The following KY variants were observed in gnomAD, a reference collection of about 807,000 sequenced individuals.
The protein encoded by KY is kyphoscoliosis peptidase.
In KY, 43 loss-of-function variants were observed where a neutral mutation model predicts 76.1. The ratio of observed to expected loss-of-function variants is 0.57; its 90% CI spans 0.44 to 0.73. KY has a LOEUF of 0.73. KY is among the 30% of genes least tolerant of loss of function. The pLI is 0.00. For missense variants in KY, 722 were observed against 828.9 expected, an observed-to-expected ratio of 0.87 and a Z score of 1.58; for synonymous variants, 277 against 326.2, an observed-to-expected ratio of 0.85 and a Z score of 1.63.
Position 134,601,463 on chromosome 3 carries a change from G to A in KY, c.*2116C>T, listed in dbSNP as rs1377222766. Among the ~76,000 whole-genome samples the A allele has an allele frequency of 6.6e-6, 1 of 152,210 alleles. No individual in the cohort carries two copies. Among genetic ancestry groups the A allele is most frequent in the Non-Finnish European group, 1.5e-5 (1 of 68,038 alleles). ...GCGCGGGGTCCAGTGAGTGACATGC[G>A]TCATCGAAGGCACTTATTGTTTTGA... is the stretch of plus-strand genomic sequence containing the variant. On this transcript the variant is annotated 3_prime_UTR_variant, in exon 11 of 11. Coordinates refer to ENST00000423778, the MANE Select transcript of KY (RefSeq NM_178554.6).
chr3:134,604,334 T>C lies in KY; in HGVS notation c.1231A>G (p.Thr411Ala). The change falls in exon 11 of 11, where the codon ACT becomes GCT. Residue 411 changes from threonine (T) to alanine (A), a missense_variant. Thr to Ala is a moderately conservative substitution (Grantham distance 58). Coordinates refer to ENST00000423778, the MANE Select transcript of KY (RefSeq NM_178554.6). Reference sequence around the variant, plus strand: ...TTGGCAAAGATCTGCAGCTTGTGAGTGCCCATGGTTGGAGGGTACACCTCC... The same window carrying C: ...TTGGCAAAGATCTGCAGCTTGTGAGCGCCCATGGTTGGAGGGTACACCTCC... ...KLEVYPPTMG[T>A]HKLQIFAKGN... 1 of 1,614,008 alleles carries C rather than the reference T, an allele frequency of 6.2e-7. No homozygotes were observed. The highest frequency in any genetic ancestry group is 8.5e-7 in the Non-Finnish European group (1 of 1,179,894).
At position 134,602,068 on chromosome 3, in the gene KY, T is replaced by C. The variant is rs565276474; in HGVS notation, c.*1511A>G. Among the ~76,000 whole-genome samples, 2 of 152,224 alleles carry C rather than the reference T, an allele frequency of 1.3e-5. No individual in the cohort carries two copies. Among genetic ancestry groups the C allele is most frequent in the East Asian group, 3.9e-4 (2 of 5,176 alleles). ...GGGTCCCAGCTGGCCCTGGCTGTGG[T>C]TGAGCCTGGAGGCCTGTGGAGGGGC... On this transcript the variant is annotated 3_prime_UTR_variant, in exon 11 of 11. Transcript: ENST00000423778.
At chr3:134,606,443 A>C (rs1411867258) in intron 10 of KY, among the ~76,000 whole-genome samples, 1 of 151,272 alleles carries the variant, frequency 6.6e-6, no homozygotes, top group African/African-American at 2.4e-5. Flanking sequence ...CCTCCCCACC[A>C]CTTCCCCCAA....
chr3:134,643,706 T>A (rs756084702), intron 2 of KY, among the ~76,000 whole-genome samples: 5 of 152,180 alleles, frequency 3.3e-5, no homozygotes, highest in Non-Finnish European at 7.3e-5. Context: ...CAGGCACAGT[T>A]TCAAAAGCAC....
chr3:134,631,349 AT>A (rs1964202934), intron 3 of KY, among the ~76,000 whole-genome samples: 1 of 152,212 alleles, frequency 6.6e-6, no homozygotes, highest in Non-Finnish European at 1.5e-5. Context: ...AGCCAAGAGA[AT>A]TTGGTACCAA....
chr3:134,609,836 A>G (rs1053191222), intron 9 of KY, among the ~76,000 whole-genome samples: 9 of 152,334 alleles, frequency 5.9e-5, no homozygotes, highest in Middle Eastern at 3.4e-3. Flanking sequence ...GTGCCTGGTA[A>G]TGTGGTCAAT....
rs375243124 is a variant in KY, at chr3:134,619,257, T to C, written c.601A>G (p.Ile201Val). The C allele has an allele frequency of 1.9e-6, 3 of 1,613,114 alleles. No homozygotes were observed. The African/African-American group carries it at 4.0e-5, about 22-fold the overall frequency. ...IWICHHIEYD[I>V]AAAQEKDRQA... Reference sequence around the variant, plus strand: ...CGGTCCTTCTCCTGAGCAGCTGCAATGTCATACTCTATAGGGCAGGTGAGG... The same window carrying C: ...CGGTCCTTCTCCTGAGCAGCTGCAACGTCATACTCTATAGGGCAGGTGAGG... The change falls in exon 8 of 11, where the codon ATT (isoleucine) becomes GTT (valine). Residue 201 changes from isoleucine (I) to valine (V), a missense_variant. This residue lies in a region of KY where 552 missense variants were observed against 680.9 expected (regional missense o/e 0.81). Coordinates refer to ENST00000423778, the MANE Select transcript of KY (RefSeq NM_178554.6).
At chr3:134,607,756 A>G (rs1959476494) in intron 10 of KY, 1 of 985,808 alleles carries the variant, frequency 1.0e-6, no homozygotes, top group Non-Finnish European at 1.2e-6. Flanking sequence ...GGGAGAGCAC[A>G]TGTCAGCCCA....
In KY at chr3:134,603,488, G is replaced by A; in HGVS notation, c.*91C>T. Reference sequence around the variant, plus strand: ...CTAGAAGGGATTTCATGCAGACTCAGTGGTGTCCAGGGCTCCCTGCACTTC... The same window carrying A: ...CTAGAAGGGATTTCATGCAGACTCAATGGTGTCCAGGGCTCCCTGCACTTC... On this transcript the variant is annotated 3_prime_UTR_variant, in exon 11 of 11. Coordinates refer to ENST00000423778, the MANE Select transcript of KY (RefSeq NM_178554.6). 1 of 1,145,744 alleles carries A rather than the reference G, an allele frequency of 8.7e-7. No individual in the cohort carries two copies. Among genetic ancestry groups the A allele is most frequent in the Non-Finnish European group, 1.2e-6 (1 of 805,678 alleles). The allele number at this position is 1,145,744 out of a possible 1,614,324, so 71.0% of individuals were successfully genotyped here. A position where few individuals can be genotyped will look rare whatever the true frequency, so the allele number is the denominator to read the frequency against.
At chr3:134,612,554 A>G (rs1960672330) in intron 8 of KY, among the ~76,000 whole-genome samples, 1 of 152,186 alleles carries the variant, frequency 6.6e-6, no homozygotes, top group Non-Finnish European at 1.5e-5. Flanking sequence ...ACCAGAGGAA[A>G]GCAAGGCCAG....
chr3:134,639,463 C>G (rs150340915), intron 3 of KY, among the ~76,000 whole-genome samples: 1 of 152,238 alleles, frequency 6.6e-6, no homozygotes, highest in Non-Finnish European at 1.5e-5. Flanking sequence ...CCATTAGGAA[C>G]GGAAAACAAA....
At chr3:134,643,071 G>C (rs1359282759) in intron 3 of KY, among the ~76,000 whole-genome samples, 2 of 152,204 alleles carry the variant, frequency 1.3e-5, no homozygotes, top group Non-Finnish European at 2.9e-5. Flanking sequence ...GATGACAGCA[G>C]CGTGCTCTGA....
chr3:134,631,124 A>T (rs1964170111), intron 3 of KY, among the ~76,000 whole-genome samples: 1 of 152,244 alleles, frequency 6.6e-6, no homozygotes, highest in South Asian at 2.1e-4. Flanking sequence ...CACATCATTG[A>T]AGTCTCAGAA....
chr3:134,610,846 A>G (rs1377784198), intron 8 of KY: 2 of 154,200 alleles, frequency 1.3e-5, no homozygotes, highest in East Asian at 1.9e-4. Context: ...GCTTCTGGAC[A>G]TGCGACTGAA....
At chr3:134,615,068 T>G (rs1961281970) in intron 8 of KY, 2 of 152,258 alleles carry the variant, frequency 1.3e-5, no homozygotes, top group Non-Finnish European at 1.5e-5. Context: ...ACTTGATTTC[T>G]TATAATCTGA....
Position 134,610,341 on chromosome 3 carries a change from C to G in KY, c.753G>C (p.Lys251Asn). The change falls in exon 9 of 11, where the codon AAG (lysine) becomes AAC (asparagine). Residue 251 changes from lysine (K) to asparagine (N), a missense_variant. Around this residue, in one of 2 missense-constraint regions of KY, gnomAD observed 552 missense variants for 680.9 expected, o/e 0.81. Transcript: ENST00000423778. The stretch of plus-strand genomic sequence containing the variant: ...TCTGCCCTGTCTGGTAGCCGAAACC[C>G]TTGGAGTAGCCAGGCACGGTCATAC... ...VQCMTVPGYSKGFGYQTGQSF... is the reference protein window; with the variant it reads ...VQCMTVPGYSNGFGYQTGQSF... 6.2e-7 allele frequency: 1 copy of G among 1,613,718 alleles called. No individual in the cohort carries two copies. Among genetic ancestry groups the G allele is most frequent in the Non-Finnish European group, 8.5e-7 (1 of 1,179,826 alleles).
intron 3 of KY, among the ~76,000 whole-genome samples, chr3:134,636,410 G>A (rs1394962195): frequency 6.6e-6 from 1 of 152,214 alleles, no homozygotes; most frequent in Non-Finnish European, 1.5e-5. Flanking sequence ...CATGCCAGAA[G>A]TGATGTTGCA....
chr3:134,641,359 A>C (rs775719722), intron 3 of KY: 4 of 152,194 alleles, frequency 2.6e-5, no homozygotes, highest in African/African-American at 9.7e-5. Flanking sequence ...GACCATCCTG[A>C]TTATCTGGCT....
intron 10 of KY, chr3:134,607,385 A>G (rs1577585493): frequency 1.3e-5 from 13 of 985,544 alleles, no homozygotes; most frequent in Non-Finnish European, 1.6e-5. Context: ...TTGCCCTGCA[A>G]TGTGGGTTGG....
Sources: allele counts gnomAD v4.1 joint callset (sites outside exome capture counted in the v4.1 genomes callset), GRCh38; gene constraint gnomAD v4.1.1; regional missense constraint gnomAD v4.1.1; transcripts MANE v1.5; gene names NCBI Gene and HGNC (gene_info 2026-07-23, HGNC 2026-07-21).